The following THSD7B variants were observed in gnomAD, a reference collection of about 807,000 sequenced individuals.
The protein encoded by THSD7B is thrombospondin type-1 domain-containing protein 7B.
Under a neutral mutation model 213.6 loss-of-function variants are expected in THSD7B, and 138 were observed. The observed-to-expected ratio is 0.65, with a 90% CI of 0.56 to 0.74. THSD7B has a LOEUF of 0.74. Ranked by LOEUF, THSD7B falls within the 30% of genes least tolerant of loss-of-function variation. The pLI, the probability that THSD7B is intolerant of heterozygous loss-of-function variation, is 0.00. For synonymous variants in THSD7B, 742 were observed against 687.0 expected (o/e 1.08, Z -1.25); for missense variants, 1,931 against 1,991.5 (o/e 0.97, Z 0.58).
chr2:136,834,153 A>G (rs1465424071), intron 1 of THSD7B, among the ~76,000 whole-genome samples: 2 of 152,214 alleles, frequency 1.3e-5, no homozygotes, highest in Admixed American at 6.5e-5. Flanking sequence ...ACTTCTCACA[A>G]TCCAAGAGCT....
intron 1 of THSD7B, among the ~76,000 whole-genome samples, chr2:136,805,207 G>A (rs558793282): frequency 1.8e-4 from 28 of 151,966 alleles, no homozygotes; most frequent in Admixed American, 5.2e-4. Context: ...GTTTGGTCAG[G>A]AATTGATGAA....
At chr2:137,388,076 A>G (rs1558779239) in intron 12 of THSD7B, among the ~76,000 whole-genome samples, 1 of 152,242 alleles carries the variant, frequency 6.6e-6, no homozygotes, top group Non-Finnish European at 1.5e-5. Flanking sequence ...TTAGGGCTCA[A>G]GAGGCTTTGG....
At chr2:136,940,128 T>C (rs896769946) in intron 2 of THSD7B, among the ~76,000 whole-genome samples, 3 of 152,144 alleles carry the variant, frequency 2.0e-5, no homozygotes, top group Non-Finnish European at 4.4e-5. Context: ...CCCAACAGTA[T>C]ACATTGTACC....
chr2:136,770,199 G>T (rs1397204267), intron 1 of THSD7B, among the ~76,000 whole-genome samples: 1 of 152,186 alleles, frequency 6.6e-6, no homozygotes, highest in Non-Finnish European at 1.5e-5. Flanking sequence ...TTGTAGCAAT[G>T]CATATTTTAA....
intron 12 of THSD7B, among the ~76,000 whole-genome samples, chr2:137,286,089 ACT>A (rs937692042): frequency 6.7e-6 from 1 of 148,986 alleles, no homozygotes; most frequent in Non-Finnish European, 1.5e-5. Context: ...GGTGAGAGAG[ACT>A]CTGTCTAAAA....
chr2:136,854,870 T>C (rs2104966718), intron 1 of THSD7B, among the ~76,000 whole-genome samples: 1 of 152,150 alleles, frequency 6.6e-6, no homozygotes, highest in African/African-American at 2.4e-5. Context: ...ATCTGTAGCG[T>C]CTCTCTCCCC....
At chr2:137,152,613 A>G (rs2104976378) in intron 5 of THSD7B, among the ~76,000 whole-genome samples, 1 of 152,350 alleles carries the variant, frequency 6.6e-6, no homozygotes, top group South Asian at 2.1e-4. Context: ...TAGCACCTAG[A>G]GCCAAGTGGG....
chr2:137,293,828 G>A (rs1245946449), intron 12 of THSD7B, among the ~76,000 whole-genome samples: 1 of 152,046 alleles, frequency 6.6e-6, no homozygotes, highest in Non-Finnish European at 1.5e-5. Context: ...CCAAATCCAT[G>A]TCAATATTTC....
intron 17 of THSD7B, among the ~76,000 whole-genome samples, chr2:137,610,918 AAC>A (rs1299824324): frequency 6.6e-6 from 1 of 151,412 alleles, no homozygotes; most frequent in African/African-American, 2.4e-5. Context: ...AAATAGAGTG[AAC>A]ATCTACTTCT....
intron 7 of THSD7B, among the ~76,000 whole-genome samples, chr2:137,199,173 A>AG (rs1680826475): frequency 6.6e-6 from 1 of 152,184 alleles, no homozygotes; most frequent in African/African-American, 2.4e-5. Context: ...CTCTTCACTG[A>AG]CAGTGGTGAA....
chr2:137,123,130 C>G (rs982092369), intron 5 of THSD7B, among the ~76,000 whole-genome samples: 1 of 152,168 alleles, frequency 6.6e-6, no homozygotes, highest in African/African-American at 2.4e-5. Flanking sequence ...TGTGGTTTAA[C>G]TGTCCCATCT....
At chr2:137,370,524 A>G (rs565200517) in intron 12 of THSD7B, among the ~76,000 whole-genome samples, 2 of 152,198 alleles carry the variant, frequency 1.3e-5, no homozygotes, top group Non-Finnish European at 2.9e-5. Context: ...TCTGGAATGC[A>G]GTGGCACAAT....
chr2:136,931,770 G>A (rs988402485), intron 2 of THSD7B, among the ~76,000 whole-genome samples: 12 of 152,108 alleles, frequency 7.9e-5, no homozygotes, highest in African/African-American at 2.7e-4. Context: ...AGACTGTATT[G>A]TGCAAACCAA....
intron 12 of THSD7B, among the ~76,000 whole-genome samples, chr2:137,371,539 CT>C (rs1685535674): frequency 6.6e-6 from 1 of 152,238 alleles, no homozygotes; most frequent in East Asian, 1.9e-4. Context: ...TCAGTTATCT[CT>C]TTTAATTTGG....
intron 4 of THSD7B, among the ~76,000 whole-genome samples, chr2:137,109,643 A>G (rs1688312314): frequency 6.6e-6 from 1 of 152,092 alleles, no homozygotes; most frequent in African/African-American, 2.4e-5. Context: ...GCAGTTCACA[A>G]TAGGGTTTGC....
intron 2 of THSD7B, among the ~76,000 whole-genome samples, chr2:136,984,140 C>T (rs1685631992): frequency 6.6e-6 from 1 of 152,174 alleles, no homozygotes; most frequent in South Asian, 2.1e-4. Flanking sequence ...CAAGGTCATA[C>T]CTATTGAAAT....
chr2:136,821,817 A>G (rs748967074), intron 1 of THSD7B, among the ~76,000 whole-genome samples: 1 of 152,168 alleles, frequency 6.6e-6, no homozygotes, highest in East Asian at 1.9e-4. Flanking sequence ...ACCTTCTACC[A>G]ATGATGCGTG....
At position 137,588,326 on chromosome 2, in the gene THSD7B, G is replaced by T. The variant is rs575969308; in HGVS notation, c.3423+15770G>T. On this transcript the variant is annotated intron_variant, in intron 17 of 27. Transcript: ENST00000409968. Reference sequence around the variant, plus strand: ...CCCTGCTTTGGCTCATGGTCAGTGGGCTGCACCCACCGTCCTGCACCCATT... The same window carrying T: ...CCCTGCTTTGGCTCATGGTCAGTGGTCTGCACCCACCGTCCTGCACCCATT... Among the ~76,000 whole-genome samples the T allele has an allele frequency of 9.9e-5, 15 of 152,266 alleles. No homozygotes were observed. The South Asian group carries it at 2.3e-3, about 23-fold the overall frequency.
chr2:137,086,699 A>G (rs1371096760), intron 3 of THSD7B, among the ~76,000 whole-genome samples: 1 of 152,246 alleles, frequency 6.6e-6, no homozygotes, highest in African/African-American at 2.4e-5. Context: ...ACCAATTTGC[A>G]GAACAGGAAG....
Sources: gnomAD v4.1 joint callset for allele counts (sites outside exome capture counted in the v4.1 genomes callset) on GRCh38, gnomAD v4.1.1 for gene constraint, MANE v1.5 for transcripts, NCBI Gene and HGNC (gene_info 2026-07-23, HGNC 2026-07-21) for gene names.